Variants in PEX7 observed in about 807,000 individuals in gnomAD.
PEX7 encodes peroxisomal biogenesis factor 7, also known as PTS2 receptor.
In PEX7, 34 loss-of-function variants were observed where a neutral mutation model predicts 47.5. The observed-to-expected ratio is 0.72, with a 90% CI of 0.54 to 0.95. The LOEUF (loss-of-function observed/expected upper bound fraction) is 0.95. PEX7 is among the 40% of genes least tolerant of loss of function. The pLI, the probability that PEX7 is intolerant of heterozygous loss-of-function variation, is 0.00. For missense variants in PEX7, 394 were observed against 400.3 expected, an observed-to-expected ratio of 0.98 and a Z score of 0.13; for synonymous variants, 141 against 148.8, an observed-to-expected ratio of 0.95 and a Z score of 0.38.
intron 7 of PEX7, among the ~76,000 whole-genome samples, chr6:136,871,118 A>T (rs965913993): frequency 6.6e-6 from 1 of 152,222 alleles, no homozygotes; most frequent in Non-Finnish European, 1.5e-5. Flanking sequence ...AAGTTTTAGC[A>T]GTTGAAAAAT....
At chr6:136,899,658 G>T (rs1324172999) in intron 9 of PEX7, among the ~76,000 whole-genome samples, 1 of 152,184 alleles carries the variant, frequency 6.6e-6, no homozygotes, top group Non-Finnish European at 1.5e-5. Flanking sequence ...GGGATTACAG[G>T]CATGAGCTCT....
intron 3 of PEX7, among the ~76,000 whole-genome samples, chr6:136,829,851 C>G (rs1774262184): frequency 6.6e-6 from 1 of 152,086 alleles, no homozygotes; most frequent in Admixed American, 6.6e-5. Flanking sequence ...GCACAAGAAT[C>G]ATTTGAGCAT....
chr6:136,911,053 T>G (rs918268253), intron 9 of PEX7, among the ~76,000 whole-genome samples: 1 of 152,292 alleles, frequency 6.6e-6, no homozygotes, highest in South Asian at 2.1e-4. Flanking sequence ...TTTTGACAAA[T>G]AGATACGTCT....
chr6:136,848,777 T>C (rs930389769), intron 5 of PEX7, among the ~76,000 whole-genome samples: 1 of 152,252 alleles, frequency 6.6e-6, no homozygotes, highest in Admixed American at 6.5e-5. Flanking sequence ...GATTTTTGCA[T>C]TGATGTTCAT....
intron 9 of PEX7, among the ~76,000 whole-genome samples, chr6:136,909,157 T>C (rs1582783945): frequency 6.6e-6 from 1 of 152,182 alleles, no homozygotes; most frequent in East Asian, 1.9e-4. Context: ...ACAGAGGAGG[T>C]TCTTAATAAG....
At chr6:136,889,054 T>C (rs745515268) in intron 8 of PEX7, among the ~76,000 whole-genome samples, 37 of 152,314 alleles carry the variant, frequency 2.4e-4, no homozygotes, top group Non-Finnish European at 5.1e-4. Context: ...CTGACACATC[T>C]CTAAGCTTCA....
At chr6:136,890,796 G>A (rs1005387034) in intron 8 of PEX7, among the ~76,000 whole-genome samples, 9 of 152,258 alleles carry the variant, frequency 5.9e-5, no homozygotes, top group Non-Finnish European at 8.8e-5. Flanking sequence ...ATTTAGGTGT[G>A]GGGTGAAGTT....
intron 3 of PEX7, among the ~76,000 whole-genome samples, chr6:136,835,530 G>A (rs1051797683): frequency 6.6e-5 from 10 of 151,956 alleles, no homozygotes; most frequent in South Asian, 2.1e-4. Flanking sequence ...CTTGTGATCC[G>A]CCTGACTCGT....
chr6:136,847,353 A>G (rs1467790857), intron 5 of PEX7, among the ~76,000 whole-genome samples: 1 of 151,436 alleles, frequency 6.6e-6, no homozygotes, highest in Non-Finnish European at 1.5e-5. Context: ...GTTTAATTAG[A>G]TCCCATTTGT....
chr6:136,828,732 T>G (rs1213441076), intron 3 of PEX7, among the ~76,000 whole-genome samples: 14 of 152,236 alleles, frequency 9.2e-5, no homozygotes, highest in Admixed American at 9.2e-4. Context: ...CTAAGCTTTA[T>G]AAGATTTTAC....
intron 8 of PEX7, among the ~76,000 whole-genome samples, chr6:136,883,386 C>T (rs996830372): frequency 1.3e-5 from 2 of 152,234 alleles, no homozygotes. Flanking sequence ...CTAGCGACCT[C>T]TGTAAAACCA....
intron 9 of PEX7, among the ~76,000 whole-genome samples, chr6:136,898,676 G>A (rs924945280): frequency 1.3e-5 from 2 of 152,160 alleles, no homozygotes; most frequent in Admixed American, 6.5e-5. Flanking sequence ...ACCACGTGTC[G>A]AATGGGAGGC....
Position 136,822,601 on chromosome 6 carries a change from A to T in PEX7, c.-65A>T, listed in dbSNP as rs190537612. On this transcript the variant is annotated 5_prime_UTR_variant, in exon 1 of 10. Transcript: ENST00000318471. Reference sequence around the variant, plus strand: ...TCTGCCTGGTCTCTCTAACCGCGCCAGTGTGCCTCCGACTCGGAACGGCTT... The same window carrying T: ...TCTGCCTGGTCTCTCTAACCGCGCCTGTGTGCCTCCGACTCGGAACGGCTT... The T allele has an allele frequency of 1.4e-3, 2,054 of 1,424,230 alleles. 19 individuals are homozygous for T. In the African/African-American group the frequency reaches 0.024, roughly 17 times the overall value. 88.2% of individuals were successfully genotyped at this position (1,424,230 alleles called of 1,614,324 possible). A position where few individuals can be genotyped will look rare whatever the true frequency, so the allele number is the denominator to read the frequency against.
chr6:136,885,060 A>G (rs1379921137), intron 8 of PEX7, among the ~76,000 whole-genome samples: 1 of 152,206 alleles, frequency 6.6e-6, no homozygotes, highest in Non-Finnish European at 1.5e-5. Flanking sequence ...TGAGTTGTAA[A>G]TGCTTGTTTT....
intron 8 of PEX7, among the ~76,000 whole-genome samples, chr6:136,887,724 C>G (rs944168338): frequency 6.6e-6 from 1 of 151,878 alleles, no homozygotes; most frequent in Non-Finnish European, 1.5e-5. Context: ...TGGTAATTTT[C>G]AAAATAAAAA....
In PEX7 at chr6:136,867,340, G is replaced by T. The variant is rs190056142; in HGVS notation, c.633+607G>T. Among the ~76,000 whole-genome samples, 134 of 152,100 alleles carry T rather than the reference G, an allele frequency of 8.8e-4. 1 individual carries two copies. The highest frequency in any genetic ancestry group is 8.8e-3 in the Admixed American group (134 of 15,278). ...CAGTGACAGATTGCATATGTGACAG[G>T]GCCCGTAAGATATAATGGAGCTGAA... is the stretch of plus-strand genomic sequence containing the variant. On this transcript the variant is annotated intron_variant, in intron 6 of 9. Transcript: ENST00000318471.
chr6:136,897,270 A>T (rs924582587), intron 8 of PEX7, among the ~76,000 whole-genome samples: 1 of 152,204 alleles, frequency 6.6e-6, no homozygotes, highest in African/African-American at 2.4e-5. Context: ...CATGTTGTAG[A>T]TCATTAGAGA....
chr6:136,863,344 A>G (rs561764485), intron 5 of PEX7, among the ~76,000 whole-genome samples: 4 of 152,176 alleles, frequency 2.6e-5, no homozygotes, highest in Non-Finnish European at 5.9e-5. Flanking sequence ...AGCTAGGTCC[A>G]AAAATGTTTG....
intron 8 of PEX7, among the ~76,000 whole-genome samples, chr6:136,874,297 C>T (rs1775229682): frequency 6.6e-6 from 1 of 152,132 alleles, no homozygotes; most frequent in South Asian, 2.1e-4. Flanking sequence ...GGAAGTGAGT[C>T]TGTTTAAACT....
Sources: allele counts gnomAD v4.1 joint callset (sites outside exome capture counted in the v4.1 genomes callset), GRCh38; gene constraint gnomAD v4.1.1; transcripts MANE v1.5; gene names NCBI Gene and HGNC (gene_info 2026-07-23, HGNC 2026-07-21).